Variants in BMP6 observed in about 807,000 individuals in gnomAD.
BMP6 encodes VG-1-R.
Under a neutral mutation model 54.1 loss-of-function variants are expected in BMP6, and 17 were observed. The ratio of observed to expected loss-of-function variants is 0.31; its 90% confidence interval spans 0.22 to 0.47. BMP6 has a LOEUF of 0.47. Among genes scored for constraint, BMP6 ranks in the 20% least tolerant of loss-of-function variants. The pLI is 1.00. For missense variants in BMP6, 720 were observed against 690.4 expected, an observed-to-expected ratio of 1.04 and a Z score of -0.48; for synonymous variants, 328 against 291.2, an observed-to-expected ratio of 1.13 and a Z score of -1.28.
chr6:7,741,294 T>C (rs997721584), intron 1 of BMP6, among the ~76,000 whole-genome samples: 1 of 151,900 alleles, frequency 6.6e-6, no homozygotes, highest in East Asian at 1.9e-4. Context: ...TTATTATCAT[T>C]ATTATTATTA....
chr6:7,808,213 C>T (rs984575623), intron 1 of BMP6, among the ~76,000 whole-genome samples: 1 of 152,132 alleles, frequency 6.6e-6, no homozygotes, highest in South Asian at 2.1e-4. Flanking sequence ...AGCCACCGCG[C>T]CCGGCCTTAA....
chr6:7,801,891 G>T (rs1758274373), intron 1 of BMP6, among the ~76,000 whole-genome samples: 1 of 152,198 alleles, frequency 6.6e-6, no homozygotes, highest in Non-Finnish European at 1.5e-5. Flanking sequence ...GGGTGCAGAT[G>T]GTCCTATACT....
chr6:7,840,935 T>A (rs537386897), intron 1 of BMP6, among the ~76,000 whole-genome samples: 28 of 152,188 alleles, frequency 1.8e-4, no homozygotes, highest in African/African-American at 6.3e-4. Context: ...AAAGCTAATT[T>A]AGAGGGAGCA....
chr6:7,831,935 A>G (rs1758799718), intron 1 of BMP6, among the ~76,000 whole-genome samples: 2 of 152,210 alleles, frequency 1.3e-5, no homozygotes, highest in Admixed American at 1.3e-4. Context: ...CGTGCATTCA[A>G]CACACATTCT....
Position 7,825,221 on chromosome 6 carries a change from G to C in BMP6, c.665-19919G>C, listed in dbSNP as rs66603017. Among the ~76,000 whole-genome samples, 15 of 128,632 alleles carry C rather than the reference G, an allele frequency of 1.2e-4. 1 individual carries two copies. The highest frequency in any genetic ancestry group is 3.9e-4 in the African/African-American group (13 of 33,044). 84.4% of individuals were successfully genotyped at this position (128,632 alleles called of 152,430 possible). ...TCTAGTTCCAGGAGTTCAAGCTTAC[G>C]TGAGCTGTAATCACATCACTGTGCT... On this transcript the variant is annotated intron_variant, in intron 1 of 6. Coordinates refer to ENST00000283147, the MANE Select transcript of BMP6 (RefSeq NM_001718.6).
rs879677308 is a variant in BMP6 at position 7,843,086 on chromosome 6, G to A, written c.665-2054G>A. Among the ~76,000 whole-genome samples the A allele has an allele frequency of 4.6e-5, 7 of 152,254 alleles. No individual in the cohort carries two copies. In the East Asian group the frequency reaches 7.7e-4, roughly 17 times the overall value. On this transcript the variant is annotated intron_variant, in intron 1 of 6. Coordinates refer to ENST00000283147, the MANE Select transcript of BMP6 (RefSeq NM_001718.6). The stretch of plus-strand genomic sequence containing the variant: ...CGGTTTTAGGGAAAAGTGATACACC[G>A]TCCTGTGTGGGTGTCCTTGAGTGAA...
intron 1 of BMP6, among the ~76,000 whole-genome samples, chr6:7,759,042 G>A (rs1176017645): frequency 1.3e-5 from 2 of 152,184 alleles, no homozygotes; most frequent in Non-Finnish European, 2.9e-5. Flanking sequence ...CACAGTGTCT[G>A]CTCAGGACAG....
At chr6:7,750,663 A>T (rs564169846) in intron 1 of BMP6, among the ~76,000 whole-genome samples, 142 of 152,218 alleles carry the variant, frequency 9.3e-4, no homozygotes, top group Middle Eastern at 6.8e-3. Context: ...AATTTTTTTT[A>T]AAAAAGTTAA....
At chr6:7,794,654 AAT>A (rs1758166556) in intron 1 of BMP6, among the ~76,000 whole-genome samples, 3 of 152,018 alleles carry the variant, frequency 2.0e-5, no homozygotes, top group Admixed American at 1.3e-4. Context: ...ATGGGAAAGT[AAT>A]ATGTTAGTTG....
At chr6:7,819,667 T>C (rs1000969822) in intron 1 of BMP6, among the ~76,000 whole-genome samples, 3 of 152,198 alleles carry the variant, frequency 2.0e-5, no homozygotes, top group African/African-American at 7.2e-5. Flanking sequence ...TCCTGCTTAG[T>C]TGTATTTAAG....
chr6:7,824,943 G>A (rs891614401), intron 1 of BMP6, among the ~76,000 whole-genome samples: 3 of 152,184 alleles, frequency 2.0e-5, no homozygotes, highest in Admixed American at 6.5e-5. Flanking sequence ...GCTTATTGTC[G>A]ATGAAACAGG....
intron 4 of BMP6, among the ~76,000 whole-genome samples, chr6:7,877,566 T>C (rs1452215198): frequency 6.6e-6 from 1 of 151,828 alleles, no homozygotes; most frequent in Non-Finnish European, 1.5e-5. Context: ...GAGGTTGCAG[T>C]GAGCCGAGCT....
At chr6:7,873,724 A>G (rs1759564958) in intron 4 of BMP6, among the ~76,000 whole-genome samples, 1 of 152,032 alleles carries the variant, frequency 6.6e-6, no homozygotes, top group African/African-American at 2.4e-5. Flanking sequence ...GGAGCATAAC[A>G]AAGACACTCA....
At chr6:7,851,950 G>A (rs1438991770) in intron 2 of BMP6, among the ~76,000 whole-genome samples, 1 of 152,096 alleles carries the variant, frequency 6.6e-6, no homozygotes, top group Non-Finnish European at 1.5e-5. Context: ...ATATAAGGCT[G>A]GATTCAAAGA....
rs560446591 is a variant in BMP6, at chr6:7,726,842, C to T, written c.-114C>T. On this transcript the variant is annotated 5_prime_UTR_variant, in exon 1 of 7. Coordinates refer to ENST00000283147, the MANE Select transcript of BMP6 (RefSeq NM_001718.6). ...TGAGGGCCAGGAAGGGGAAGCGAGC[C>T]CGCCGAGAGGTGGCGGGGACTGCTC... is the stretch of plus-strand genomic sequence containing the variant. 6.7e-6 allele frequency: 4 copies of T among 600,492 alleles called. No homozygotes were observed. In the African/African-American group the frequency reaches 8.0e-5, roughly 12 times the overall value. 37.2% of individuals were successfully genotyped at this position (600,492 alleles called of 1,614,324 possible).
rs184918803 is a variant in BMP6, at chr6:7,815,659, C to G, written c.665-29481C>G. Among the ~76,000 whole-genome samples, 11 of 152,026 alleles carry G rather than the reference C, an allele frequency of 7.2e-5. No individual in the cohort carries two copies. The East Asian group carries it at 2.1e-3, about 29-fold the overall frequency. On this transcript the variant is annotated intron_variant, in intron 1 of 6. Coordinates refer to ENST00000283147, the MANE Select transcript of BMP6 (RefSeq NM_001718.6). Reference sequence around the variant, plus strand: ...GGATCACACAGTTGAATTACAAATTCAAAAAGTTTTAAATACTAAAATTTA... The same window carrying G: ...GGATCACACAGTTGAATTACAAATTGAAAAAGTTTTAAATACTAAAATTTA...
intron 1 of BMP6, among the ~76,000 whole-genome samples, chr6:7,769,833 T>G (rs1757756521): frequency 6.6e-6 from 1 of 152,216 alleles, no homozygotes; most frequent in Non-Finnish European, 1.5e-5. Flanking sequence ...ATTCCTAACT[T>G]GTCTTTTCAT....
chr6:7,831,486 A>G (rs1758792456), intron 1 of BMP6, among the ~76,000 whole-genome samples: 1 of 152,166 alleles, frequency 6.6e-6, no homozygotes, highest in African/African-American at 2.4e-5. Context: ...AATGAAAGAT[A>G]AAGGAAGGAA....
intron 1 of BMP6, among the ~76,000 whole-genome samples, chr6:7,816,357 G>A (rs548715990): frequency 6.6e-5 from 10 of 152,260 alleles, no homozygotes; most frequent in African/African-American, 2.4e-4. Context: ...CTGTTTTAAA[G>A]GTAAGCAGCT....
Sources: allele counts gnomAD v4.1 joint callset (sites outside exome capture counted in the v4.1 genomes callset), GRCh38; gene constraint gnomAD v4.1.1; transcripts MANE v1.5; gene names NCBI Gene and HGNC (gene_info 2026-07-23, HGNC 2026-07-21).